Variants in AHI1 observed in about 807,000 individuals in gnomAD.
AHI1 encodes Abelson helper integration site 1, also known as jouberin.
Under a neutral mutation model 149.3 loss-of-function variants are expected in AHI1, and 123 were observed. The observed-to-expected ratio is 0.82, with a 90% confidence interval of 0.71 to 0.96. AHI1 has a LOEUF of 0.96. Among genes scored for constraint, AHI1 ranks in the 40% least tolerant of loss-of-function variants. AHI1 has a pLI of 0.00. For synonymous variants in AHI1, 475 were observed against 459.8 expected (o/e 1.03, Z -0.42); for missense variants, 1,439 against 1,422.7 (o/e 1.01, Z -0.18).
intron 7 of AHI1, among the ~76,000 whole-genome samples, chr6:135,463,508 G>A (rs150823042): frequency 7.9e-5 from 12 of 151,942 alleles, no homozygotes; most frequent in African/African-American, 2.2e-4. Context: ...TTTATACTTC[G>A]TGAGGAGTTA....
chr6:135,434,638 T>C (rs1785135712), intron 15 of AHI1, among the ~76,000 whole-genome samples: 1 of 151,902 alleles, frequency 6.6e-6, no homozygotes. Flanking sequence ...CTGGAATCAA[T>C]GATGGTTTCT....
In AHI1 at chr6:135,495,897, T is replaced by C. The variant is rs1373937586; in HGVS notation, c.-138A>G. Reference sequence around the variant, plus strand: ...GAATTTAAAATGGCACCTATTTTAGTACTGTAAGGAGAAGAGAAAATACCA... The same window carrying C: ...GAATTTAAAATGGCACCTATTTTAGCACTGTAAGGAGAAGAGAAAATACCA... On this transcript the variant is annotated splice_region_variant and 5_prime_UTR_variant, in exon 3 of 29. Coordinates refer to ENST00000265602, the MANE Select transcript of AHI1 (RefSeq NM_001134831.2). 1 of 152,220 alleles carries C rather than the reference T, an allele frequency of 6.6e-6. No individual in the cohort carries two copies. Among genetic ancestry groups the C allele is most frequent in the Non-Finnish European group, 1.5e-5 (1 of 68,048 alleles). The allele number at this position is 152,220 out of a possible 1,614,324, so 9.4% of individuals were successfully genotyped here. A position where few individuals can be genotyped will look rare whatever the true frequency, so the allele number is the denominator to read the frequency against.
intron 24 of AHI1, among the ~76,000 whole-genome samples, chr6:135,326,287 T>A (rs1262056356): frequency 3.3e-5 from 5 of 152,162 alleles, no homozygotes; most frequent in African/African-American, 1.2e-4. Context: ...AGGACTGGCA[T>A]TTTTATAAGA....
At chr6:135,324,168 A>T (rs1562501229) in intron 24 of AHI1, among the ~76,000 whole-genome samples, 1 of 152,118 alleles carries the variant, frequency 6.6e-6, no homozygotes, top group Non-Finnish European at 1.5e-5. Context: ...ATAAAAAAAC[A>T]ACAAAAAAAA....
At chr6:135,349,307 T>G (rs1791715979) in intron 24 of AHI1, among the ~76,000 whole-genome samples, 1 of 152,092 alleles carries the variant, frequency 6.6e-6, no homozygotes, top group South Asian at 2.1e-4. Context: ...GAAAAAATAG[T>G]GAGAATTTAT....
chr6:135,314,202 G>A (rs571845348), intron 26 of AHI1, among the ~76,000 whole-genome samples: 67 of 152,304 alleles, frequency 4.4e-4, no homozygotes, highest in African/African-American at 1.5e-3. Context: ...TTGTTAGGAG[G>A]TATTTGGGAG....
At chr6:135,311,701 G>T (rs190493170) in intron 26 of AHI1, among the ~76,000 whole-genome samples, 49 of 152,312 alleles carry the variant, frequency 3.2e-4, no homozygotes, top group African/African-American at 1.2e-3. Context: ...AACAAAGTTT[G>T]TCAGCACTAC....
intron 23 of AHI1, among the ~76,000 whole-genome samples, chr6:135,382,469 T>A (rs550471695): frequency 6.6e-6 from 1 of 152,230 alleles, no homozygotes; most frequent in African/African-American, 2.4e-5. Context: ...GTGATGGATA[T>A]TCATTTCCAG....
At chr6:135,415,156 T>G (rs1026800517) in intron 20 of AHI1, among the ~76,000 whole-genome samples, 1 of 152,114 alleles carries the variant, frequency 6.6e-6, no homozygotes, top group African/African-American at 2.4e-5. Context: ...TCATTTTTTA[T>G]GGCTTCATAG....
intron 23 of AHI1, among the ~76,000 whole-genome samples, chr6:135,371,675 T>C (rs1237041071): frequency 6.6e-6 from 1 of 152,216 alleles, no homozygotes; most frequent in Non-Finnish European, 1.5e-5. Context: ...TCTAGAGATT[T>C]TAACATTTGA....
At chr6:135,301,705 A>G in intron 26 of AHI1, 1 of 985,474 alleles carries the variant, frequency 1.0e-6, no homozygotes, top group South Asian at 4.7e-5. Context: ...GTGTTGCAAC[A>G]GGTGACCCAT....
rs201074308 is a variant in AHI1, at chr6:135,388,010, T to C, written c.3109+6766A>G. The C allele has an allele frequency of 3.4e-4, 554 of 1,613,812 alleles. 2 individuals carry two copies. The highest frequency in any genetic ancestry group is 5.3e-5 in the Non-Finnish European group (63 of 1,179,784). ...TGCTTTTTCCACCATAATATACATG[T>C]GTTGAATTCAGCAAAGTGACTGTCT... On this transcript the variant is annotated intron_variant, in intron 23 of 28. Transcript: ENST00000265602.
At chr6:135,446,794 A>G (rs1156984376) in intron 13 of AHI1, among the ~76,000 whole-genome samples, 1 of 152,212 alleles carries the variant, frequency 6.6e-6, no homozygotes, top group East Asian at 1.9e-4. Context: ...ACAATTGCCC[A>G]AGTGCCCAAA....
chr6:135,438,470 C>G lies in AHI1; in HGVS notation c.1941G>C (p.Met647Ile). The change falls in exon 15 of 29, where the codon ATG becomes ATC. Residue 647 changes from methionine to isoleucine, a missense_variant. Met to Ile is a conservative substitution (Grantham distance 10). Coordinates refer to ENST00000265602, the MANE Select transcript of AHI1 (RefSeq NM_001134831.2). ...TATTGAGGTGGCCACACAATTCTCT[C>G]ATGAAACGTCCAGAAGGAATTTCAT... ...ILYEIPSGRF[M>I]RELCGHLNII... 1 of 1,549,956 alleles carries G rather than the reference C, an allele frequency of 6.5e-7. No individual in the cohort carries two copies. Among genetic ancestry groups the G allele is most frequent in the South Asian group, 1.2e-5 (1 of 83,554 alleles).
intron 26 of AHI1, chr6:135,302,330 A>G: frequency 1.0e-6 from 1 of 985,704 alleles, no homozygotes; most frequent in Non-Finnish European, 1.2e-6. Flanking sequence ...TTGAGGGGAG[A>G]GAAGTCATAC....
intron 14 of AHI1, among the ~76,000 whole-genome samples, chr6:135,441,255 C>A (rs1047327978): frequency 2.6e-5 from 4 of 151,810 alleles, no homozygotes; most frequent in Non-Finnish European, 5.9e-5. Flanking sequence ...CTAAATTTGA[C>A]AACAGGTCAA....
chr6:135,329,270 A>T (rs1788173879), intron 24 of AHI1, among the ~76,000 whole-genome samples: 1 of 152,202 alleles, frequency 6.6e-6, no homozygotes, highest in Non-Finnish European at 1.5e-5. Context: ...ATAGCTAGAG[A>T]GGAGAAGTCA....
At chr6:135,426,589 A>G (rs1380505097) in intron 20 of AHI1, among the ~76,000 whole-genome samples, 1 of 151,744 alleles carries the variant, frequency 6.6e-6, no homozygotes, top group African/African-American at 2.4e-5. Flanking sequence ...AGTATAATAT[A>G]GAAGAGTGGA....
At position 135,394,801 on chromosome 6, in the gene AHI1, T is replaced by G; in HGVS notation, c.3084A>C (p.Leu1028=). 3.7e-6 allele frequency: 6 copies of G among 1,610,124 alleles called. No homozygotes were observed. Among genetic ancestry groups the G allele is most frequent in the South Asian group, 2.2e-5 (2 of 90,228 alleles). The stretch of plus-strand genomic sequence containing the variant: ...CGGTCTGAGTGAAACCAAACTGATG[T>G]AGAATCTCTTGAGCGGTCAGCATGT... ...QSNMLTAQEI[L]HQFGFTQTGI... is the part of the protein sequence containing the mutation. Residue 1028 remains leucine, a synonymous_variant, in exon 23 of 29, where the codon CTA becomes CTC. Coordinates refer to ENST00000265602, the MANE Select transcript of AHI1 (RefSeq NM_001134831.2).
Sources: gnomAD v4.1 joint callset for allele counts (sites outside exome capture counted in the v4.1 genomes callset) on GRCh38, gnomAD v4.1.1 for gene constraint, MANE v1.5 for transcripts, NCBI Gene and HGNC (gene_info 2026-07-23, HGNC 2026-07-21) for gene names.